SORCS2: variants seen among roughly 807,000 people sequenced by gnomAD.
SORCS2 encodes sortilin related VPS10 domain containing receptor 2.
A neutral mutation model predicts 141.6 loss-of-function variants in SORCS2; 100 were observed. That is an observed-to-expected ratio of 0.71 (90% CI 0.60 to 0.83). The LOEUF (loss-of-function observed/expected upper bound fraction) is 0.83, where lower values mean the gene tolerates loss of function less well. SORCS2 is among the 40% of genes least tolerant of loss of function. SORCS2 has a pLI of 0.00. For missense variants in SORCS2, 1,646 were observed against 1,560.2 expected (o/e 1.05, Z -0.93); for synonymous variants, 789 against 676.9 (o/e 1.17, Z -2.57).
chr4:7,365,351 G>A (rs62279108), intron 1 of SORCS2, among the ~76,000 whole-genome samples: 41,998 of 151,864 alleles, frequency 0.28, 7,356 homozygotes, highest in Non-Finnish European at 0.39. Context: ...AGGCATGCAT[G>A]TGGGTGGGGA....
At chr4:7,640,344 G>T (rs1201848888) in intron 4 of SORCS2, among the ~76,000 whole-genome samples, 11 of 150,394 alleles carry the variant, frequency 7.3e-5, no homozygotes, top group African/African-American at 2.7e-4. Flanking sequence ...GTGTGTGAGA[G>T]TGTGAGAGCC....
At chr4:7,262,200 A>G (rs1031844241) in intron 1 of SORCS2, among the ~76,000 whole-genome samples, 3 of 118,222 alleles carry the variant, frequency 2.5e-5, no homozygotes, top group African/African-American at 1.0e-4. Context: ...CCATCTATCC[A>G]TCCATCCACC....
At chr4:7,650,300 C>G (rs753859389) in intron 4 of SORCS2, among the ~76,000 whole-genome samples, 2 of 152,206 alleles carry the variant, frequency 1.3e-5, no homozygotes, top group African/African-American at 2.4e-5. Context: ...AAGGGCCCGG[C>G]TGGTGCTCGC....
Position 7,192,829 on chromosome 4 carries a change from C to T in SORCS2, c.183C>T (p.His61=), listed in dbSNP as rs1403459016. 2 of 1,036,788 alleles carry T rather than the reference C, an allele frequency of 1.9e-6. No homozygotes were observed. The highest frequency in any genetic ancestry group is 2.3e-6 in the Non-Finnish European group (2 of 865,404). 64.2% of individuals were successfully genotyped at this position (1,036,788 alleles called of 1,614,324 possible). Reference sequence around the variant, plus strand: ...CTGAGCCCGGGCGCCTGGGTCCTCACGCCCAACTGACCCGGGTGCCGCGGA... The same window carrying T: ...CTGAGCCCGGGCGCCTGGGTCCTCATGCCCAACTGACCCGGGTGCCGCGGA... ...RSPEPGRLGP[H]AQLTRVPRSP... is the part of the protein sequence containing the mutation. The change falls in exon 1 of 27, where the codon CAC becomes CAT. Residue 61 remains histidine, a synonymous_variant. Transcript: ENST00000507866. The surrounding 1 kb of genome is among the most constrained non-coding windows in gnomAD (Gnocchi z 4.0).
At chr4:7,658,887 C>T (rs539489519) in intron 5 of SORCS2, among the ~76,000 whole-genome samples, 118 of 152,342 alleles carry the variant, frequency 7.7e-4, no homozygotes, top group African/African-American at 2.6e-3. Context: ...CCTGAGACAT[C>T]TCAACCACTT....
chr4:7,405,685 C>T (rs7700129), intron 2 of SORCS2, among the ~76,000 whole-genome samples: 117,789 of 152,014 alleles, frequency 0.77, 46,318 homozygotes, highest in East Asian at 0.99. Context: ...TTTTGTGGCA[C>T]TGATTTGGTA....
At chr4:7,396,118 C>G (rs1724192769) in intron 1 of SORCS2, among the ~76,000 whole-genome samples, 170 bp from the exon 2 acceptor site, 1 of 152,166 alleles carries the variant, frequency 6.6e-6, no homozygotes. Flanking sequence ...CGTCTAAGGG[C>G]TCTCATGTAG....
intron 9 of SORCS2, among the ~76,000 whole-genome samples, chr4:7,681,516 C>G (rs1464428017): frequency 6.6e-6 from 1 of 152,236 alleles, no homozygotes; most frequent in Non-Finnish European, 1.5e-5. Context: ...TCCTCTGGAG[C>G]CTCCAGAAAG....
chr4:7,664,449 A>G lies in SORCS2; in HGVS notation c.1049A>G (p.Gln350Arg), dbSNP rs1722377950. The G allele has an allele frequency of 1.2e-6, 2 of 1,613,610 alleles. No individual in the cohort carries two copies. Among genetic ancestry groups the G allele is most frequent in the Non-Finnish European group, 1.7e-6 (2 of 1,179,596 alleles). Residue 350 changes from glutamine (Q) to arginine (R), a missense_variant, in exon 7 of 27, where the codon CAG becomes CGG. By Grantham distance (43) the Gln-to-Arg change is conservative. Coordinates refer to ENST00000507866, the MANE Select transcript of SORCS2 (RefSeq NM_020777.3). This position sits in a 1 kb window ranked among gnomAD's most constrained non-coding sequence, Gnocchi z 4.7. The part of the protein sequence containing the change: ...GPIDHGSLTV[Q>R]DDYIFFKATS... ...ATTGACCACGGGTCTCTGACCGTGC[A>G]GGACGATTACATCTTCTTTAAGGTA... is the stretch of plus-strand genomic sequence containing the variant.
intron 1 of SORCS2, among the ~76,000 whole-genome samples, chr4:7,349,751 C>T (rs1218051998): frequency 6.6e-6 from 1 of 152,198 alleles, no homozygotes. Flanking sequence ...TGGCATTCCT[C>T]ACTGGGTTTC....
At chr4:7,621,152 C>A (rs1189629283) in intron 3 of SORCS2, among the ~76,000 whole-genome samples, 3 of 152,168 alleles carry the variant, frequency 2.0e-5, no homozygotes, top group East Asian at 3.9e-4. Context: ...GGCAGTGTGA[C>A]CAGGCCCAGC....
intron 3 of SORCS2, among the ~76,000 whole-genome samples, chr4:7,541,485 G>C (rs13121742): frequency 6.6e-6 from 1 of 152,224 alleles, no homozygotes; most frequent in African/African-American, 2.4e-5. Context: ...CATCAGAGGA[G>C]GGGTATCCCT....
intron 3 of SORCS2, among the ~76,000 whole-genome samples, chr4:7,575,719 C>T (rs1715707092): frequency 6.6e-6 from 1 of 152,208 alleles, no homozygotes; most frequent in South Asian, 2.1e-4. Flanking sequence ...GCTCCTGTGT[C>T]CTTGTTTACC....
At position 7,433,774 on chromosome 4, in the gene SORCS2, C is replaced by T. The variant is rs779957918; in HGVS notation, c.548+37419C>T. The stretch of plus-strand genomic sequence containing the variant: ...ATCATGGACTGCCCGGGCCCGCCTC[C>T]GGTTGCCACACAGACGGATGAACTT... On this transcript the variant is annotated intron_variant, in intron 2 of 26. Transcript: ENST00000507866. The T allele has an allele frequency of 4.9e-5, 79 of 1,613,362 alleles. No individual in the cohort carries two copies. In the Admixed American group the frequency reaches 6.5e-4, roughly 13 times the overall value.
chr4:7,336,193 G>A (rs530680013), intron 1 of SORCS2, among the ~76,000 whole-genome samples: 7 of 152,326 alleles, frequency 4.6e-5, no homozygotes, highest in African/African-American at 1.4e-4. Flanking sequence ...CTGCGTCCTG[G>A]TCGATTGCTC....
intron 1 of SORCS2, among the ~76,000 whole-genome samples, chr4:7,369,423 A>G (rs912094066): frequency 1.3e-5 from 2 of 152,230 alleles, no homozygotes; most frequent in African/African-American, 2.4e-5. Context: ...GTAAGTGCCC[A>G]CTATGAGCTG....
At chr4:7,499,762 A>AG (rs58601543) in intron 2 of SORCS2, among the ~76,000 whole-genome samples, 112,239 of 151,888 alleles carry the variant, frequency 0.74, 41,885 homozygotes, top group East Asian at 0.99. Flanking sequence ...CTGGAGAGAA[A>AG]CCCCACAAGT....
chr4:7,536,110 G>A (rs762402827), intron 3 of SORCS2, among the ~76,000 whole-genome samples: 9 of 152,178 alleles, frequency 5.9e-5, no homozygotes, highest in Non-Finnish European at 1.3e-4. Flanking sequence ...GGTCAGGGAG[G>A]GCCAGAGAGC....
intron 8 of SORCS2, among the ~76,000 whole-genome samples, chr4:7,670,969 G>A (rs1006928391): frequency 2.0e-5 from 3 of 152,194 alleles, no homozygotes; most frequent in African/African-American, 7.2e-5. Context: ...AGATTTAAAG[G>A]GTTACAGCCT....
Sources: allele counts gnomAD v4.1 joint callset (sites outside exome capture counted in the v4.1 genomes callset), GRCh38; gene constraint gnomAD v4.1.1; non-coding constraint Gnocchi (gnomAD v3.1); transcripts MANE v1.5; gene names NCBI Gene and HGNC (gene_info 2026-07-23, HGNC 2026-07-21).